NPAS3: variants seen among roughly 807,000 people sequenced by gnomAD.
NPAS3 encodes the protein neuronal PAS domain protein 3.
A neutral mutation model predicts 73.1 loss-of-function variants in NPAS3; 14 were observed. That is an observed-to-expected ratio of 0.19 (90% CI 0.13 to 0.30). NPAS3 has a LOEUF of 0.30. Ranked by LOEUF, NPAS3 falls within the 10% of genes least tolerant of loss-of-function variation. The pLI, the probability that NPAS3 is intolerant of heterozygous loss-of-function variation, is 1.00. For missense variants in NPAS3, 1,096 were observed against 1,250.0 expected, an observed-to-expected ratio of 0.88 and a Z score of 1.86; for synonymous variants, 620 against 541.5, an observed-to-expected ratio of 1.14 and a Z score of -2.01.
At chr14:33,318,030 A>T (rs1413283785) in intron 3 of NPAS3, among the ~76,000 whole-genome samples, 1 of 152,080 alleles carries the variant, frequency 6.6e-6, no homozygotes, top group Admixed American at 6.6e-5. Flanking sequence ...TCTTGAAGAG[A>T]TGTTTGCAAA....
At chr14:33,215,487 A>G (rs1344375163) in intron 3 of NPAS3, 61 bp downstream of exon 3, 7 of 1,554,124 alleles carry the variant, frequency 4.5e-6, no homozygotes, top group South Asian at 4.5e-5. Flanking sequence ...GTAAGACAAA[A>G]TGTTTACCAT....
chr14:33,588,344 C>G (rs1257630393), intron 5 of NPAS3, among the ~76,000 whole-genome samples: 4 of 152,124 alleles, frequency 2.6e-5, no homozygotes, highest in African/African-American at 9.7e-5. Flanking sequence ...ATCCAAATAT[C>G]CTTCGGCAGT....
At chr14:33,099,356 C>G (rs1252291385) in intron 2 of NPAS3, among the ~76,000 whole-genome samples, 3 of 152,160 alleles carry the variant, frequency 2.0e-5, no homozygotes, top group African/African-American at 7.2e-5. Context: ...CGTATTCATA[C>G]ATACATACAA....
Position 33,768,728 on chromosome 14 carries a change from A to G in NPAS3, c.853-5609A>G, listed in dbSNP as rs183361230. Among the ~76,000 whole-genome samples, 54 of 152,330 alleles carry G rather than the reference A, an allele frequency of 3.5e-4. No homozygotes were observed. In the Middle Eastern group the frequency reaches 0.01, roughly 29 times the overall value. ...CTAGAAGACTTGCCAAAGTTACCAG[A>G]ACCAGGACTGAAAACAGATGTTCTG... is the stretch of plus-strand genomic sequence containing the variant. On this transcript the variant is annotated intron_variant, in intron 7 of 11. Coordinates refer to ENST00000356141, the Ensembl canonical transcript of NPAS3.
chr14:33,268,678 T>G (rs900043250), intron 3 of NPAS3, among the ~76,000 whole-genome samples: 1 of 152,162 alleles, frequency 6.6e-6, no homozygotes, highest in East Asian at 1.9e-4. Context: ...CAAATATACT[T>G]GACGTAGCCT....
chr14:33,626,356 A>T (rs2058219288), intron 5 of NPAS3, among the ~76,000 whole-genome samples: 1 of 152,222 alleles, frequency 6.6e-6, no homozygotes, highest in African/African-American at 2.4e-5. Flanking sequence ...AACAGAGGAT[A>T]CGTAAATATC....
intron 5 of NPAS3, among the ~76,000 whole-genome samples, chr14:33,641,289 C>T (rs1216145020): frequency 6.6e-6 from 1 of 152,134 alleles, no homozygotes; most frequent in Non-Finnish European, 1.5e-5. Flanking sequence ...TCTAAGAATG[C>T]AGATTTCTTT....
chr14:33,749,312 T>C (rs1280965306), intron 7 of NPAS3, among the ~76,000 whole-genome samples: 1 of 152,206 alleles, frequency 6.6e-6, no homozygotes, highest in Non-Finnish European at 1.5e-5. Context: ...TCTTCTTTAA[T>C]TATTTGCAGT....
At chr14:33,333,721 A>G (rs1365015678) in intron 3 of NPAS3, among the ~76,000 whole-genome samples, 1 of 152,158 alleles carries the variant, frequency 6.6e-6, no homozygotes, top group Non-Finnish European at 1.5e-5. Flanking sequence ...AAAAATATAT[A>G]ACATACTCAA....
At chr14:33,294,817 G>T (rs1307286172) in intron 3 of NPAS3, among the ~76,000 whole-genome samples, 1 of 152,182 alleles carries the variant, frequency 6.6e-6, no homozygotes, top group Admixed American at 6.5e-5. Flanking sequence ...TGGAAAGTGA[G>T]GGAGAGAGCT....
chr14:33,622,348 C>T (rs905553409), intron 5 of NPAS3, among the ~76,000 whole-genome samples: 22 of 151,194 alleles, frequency 1.5e-4, no homozygotes, highest in Non-Finnish European at 2.9e-4. Flanking sequence ...GTGCTAGAAA[C>T]ATTTACTATA....
At chr14:33,493,213 C>A (rs111440096) in intron 4 of NPAS3, among the ~76,000 whole-genome samples, 147 of 152,082 alleles carry the variant, frequency 9.7e-4, no homozygotes, top group African/African-American at 3.0e-3. Flanking sequence ...GTATTTTGTG[C>A]ATTTGCTTTC....
Position 33,676,605 on chromosome 14 carries a change from C to T in NPAS3, c.733+220C>T, listed in dbSNP as rs192920235. On this transcript the variant is annotated intron_variant, in intron 6 of 11. Transcript: ENST00000356141. ...GAGATCTAATTTCAGTTGAACAATA[C>T]ATGTAGAAGGTACTAGTTCTTTTAG... 2.0e-4 allele frequency among the ~76,000 whole-genome samples: 30 copies of T among 152,288 alleles called. No individual in the cohort carries two copies. In the East Asian group the frequency reaches 5.2e-3, roughly 26 times the overall value.
chr14:33,510,065 G>C (rs1286902148), intron 4 of NPAS3, among the ~76,000 whole-genome samples: 1 of 152,074 alleles, frequency 6.6e-6, no homozygotes, highest in African/African-American at 2.4e-5. Flanking sequence ...TGACAAAGGA[G>C]GAGAGCTCTC....
chr14:33,321,523 G>A (rs184364063), intron 3 of NPAS3, among the ~76,000 whole-genome samples: 17 of 151,982 alleles, frequency 1.1e-4, no homozygotes, highest in Admixed American at 6.6e-4. Flanking sequence ...CATGATGTCC[G>A]TAGGCATAAT....
intron 1 of NPAS3, among the ~76,000 whole-genome samples, chr14:32,946,468 T>TAACA (rs967340011): frequency 2.0e-5 from 3 of 151,912 alleles, no homozygotes; most frequent in African/African-American, 4.8e-5. Flanking sequence ...GTCTGATACA[T>TAACA]AACAGTTCTT....
chr14:33,792,811 C>G (rs751414215), intron 9 of NPAS3, among the ~76,000 whole-genome samples: 1 of 152,172 alleles, frequency 6.6e-6, no homozygotes, highest in African/African-American at 2.4e-5. Context: ...TTTCAGCAGA[C>G]GGAGGCAAGG....
chr14:33,639,517 C>T (rs1246043420), intron 5 of NPAS3, among the ~76,000 whole-genome samples: 1 of 152,080 alleles, frequency 6.6e-6, no homozygotes, highest in African/African-American at 2.4e-5. Context: ...CACTAGAGAT[C>T]GTGATGGCAG....
exon 3 of NPAS3, chr14:33,215,222 C>T (rs759518256): frequency 1.9e-6 from 3 of 1,613,218 alleles, no homozygotes; most frequent in Non-Finnish European, 2.5e-6. Context: ...AGATGCTGCT[C>T]GCTCCCGCCG....
Sources: allele counts gnomAD v4.1 joint callset (sites outside exome capture counted in the v4.1 genomes callset), GRCh38; gene constraint gnomAD v4.1.1; transcripts MANE v1.5; gene names NCBI Gene and HGNC (gene_info 2026-07-23, HGNC 2026-07-21).